Variants in CSMD1 observed in about 807,000 individuals in gnomAD.
The protein encoded by CSMD1 is CUB and Sushi multiple domains 1.
A neutral mutation model predicts 417.5 loss-of-function variants in CSMD1; 213 were observed. The observed-to-expected ratio is 0.51, with a 90% CI of 0.46 to 0.57. The LOEUF is 0.57. Among genes scored for constraint, CSMD1 ranks in the 20% least tolerant of loss-of-function variants. CSMD1 has a pLI of 0.00. For missense variants in CSMD1, 6,923 were observed against 4,529.7 expected (o/e 1.53, Z -15.17); for synonymous variants, 2,862 against 1,736.8 (o/e 1.65, Z -16.11).
chr8:4,709,597 T>G (rs1808164736), intron 1 of CSMD1, among the ~76,000 whole-genome samples: 1 of 152,250 alleles, frequency 6.6e-6, no homozygotes, highest in African/African-American at 2.4e-5. Context: ...GCAGAAGCTG[T>G]CCAAAGGCAA....
chr8:3,508,181 C>A (rs927787457), intron 10 of CSMD1, among the ~76,000 whole-genome samples: 2 of 152,132 alleles, frequency 1.3e-5, no homozygotes. Flanking sequence ...CAATGACCAA[C>A]CTCCTTGTCT....
intron 26 of CSMD1, among the ~76,000 whole-genome samples, chr8:3,280,865 C>G (rs1433879401): frequency 6.6e-6 from 1 of 151,384 alleles, no homozygotes; most frequent in African/African-American, 2.4e-5. Flanking sequence ...TTTTTTCTAC[C>G]CAAGTTAGAA....
At chr8:3,019,484 C>G (rs6997150) in intron 51 of CSMD1, among the ~76,000 whole-genome samples, 3,073 of 152,246 alleles carry the variant, frequency 0.02, 101 homozygotes, top group African/African-American at 0.069. Context: ...TCTAGGACTT[C>G]GGAATGCAAT....
At chr8:3,236,808 C>T (rs766933554) in intron 26 of CSMD1, among the ~76,000 whole-genome samples, 1 of 152,136 alleles carries the variant, frequency 6.6e-6, no homozygotes, top group African/African-American at 2.4e-5. Context: ...AAAAAGAAAA[C>T]ATTTTCAGTT....
At chr8:3,770,292 C>A (rs1018590892) in intron 5 of CSMD1, among the ~76,000 whole-genome samples, 2 of 152,094 alleles carry the variant, frequency 1.3e-5, no homozygotes, top group Admixed American at 1.3e-4. Flanking sequence ...CTTTGGGAGG[C>A]CGAGGGCGGG....
chr8:3,988,229 A>T (rs371602835), intron 5 of CSMD1, among the ~76,000 whole-genome samples: 3 of 152,132 alleles, frequency 2.0e-5, no homozygotes, highest in African/African-American at 7.2e-5. Flanking sequence ...CTGAAACTCA[A>T]TATTGAACCT....
At chr8:4,776,249 G>C (rs1157830830) in intron 1 of CSMD1, among the ~76,000 whole-genome samples, 1 of 152,132 alleles carries the variant, frequency 6.6e-6, no homozygotes, top group African/African-American at 2.4e-5. Context: ...GAAACATGGA[G>C]TTCATTTCAA....
intron 2 of CSMD1, among the ~76,000 whole-genome samples, chr8:4,624,506 A>G (rs1430576169): frequency 2.0e-5 from 3 of 152,122 alleles, no homozygotes; most frequent in Non-Finnish European, 2.9e-5. Context: ...GCGCTGCTAC[A>G]CAGGTGCATT....
intron 5 of CSMD1, among the ~76,000 whole-genome samples, chr8:3,988,324 T>A (rs1452166960): frequency 6.6e-6 from 1 of 152,228 alleles, no homozygotes. Flanking sequence ...AGAGCTTGCA[T>A]CAAATTCTGA....
At chr8:3,289,413 A>G (rs1214657090) in intron 25 of CSMD1, among the ~76,000 whole-genome samples, 1 of 147,272 alleles carries the variant, frequency 6.8e-6, no homozygotes, top group Non-Finnish European at 1.5e-5. Flanking sequence ...CTGACTTCAC[A>G]ATGGTTGAAC....
intron 3 of CSMD1, among the ~76,000 whole-genome samples, chr8:4,408,524 G>A (rs1183456698): frequency 6.6e-6 from 1 of 152,060 alleles, no homozygotes; most frequent in Non-Finnish European, 1.5e-5. Flanking sequence ...AACAATTCTT[G>A]GACATAAAGA....
intron 7 of CSMD1, among the ~76,000 whole-genome samples, chr8:3,685,692 G>T (rs891327460): frequency 1.3e-5 from 2 of 151,738 alleles, no homozygotes; most frequent in African/African-American, 4.8e-5. Context: ...GAAAATCAAT[G>T]CAATTTCAAG....
intron 2 of CSMD1, among the ~76,000 whole-genome samples, chr8:4,515,378 T>C (rs927898779): frequency 6.6e-6 from 1 of 152,114 alleles, no homozygotes; most frequent in Non-Finnish European, 1.5e-5. Context: ...GAGAGAGATG[T>C]TAAATGTTAT....
intron 26 of CSMD1, among the ~76,000 whole-genome samples, chr8:3,256,309 G>GA (rs61572877): frequency 2.3e-3 from 189 of 81,418 alleles, no homozygotes; most frequent in Middle Eastern, 6.8e-3. Context: ...TAAGTCTCAA[G>GA]AAAAAAAAAA....
rs765416134 is a variant in CSMD1, at chr8:3,142,535, C to A, written c.6171G>T (p.Thr2057=). ...TATAAAAGTGGATGAGGGTTTCATG[C>A]GTTGTGCTCAGCAGGGCCGCGGGGA... ...TDLPAALLST[T]HETLIHFYSD... Residue 2057 remains threonine (T), a synonymous_variant, in exon 41 of 70, where the codon ACG becomes ACT. Transcript: ENST00000635120. 4 of 1,613,774 alleles carry A rather than the reference C, an allele frequency of 2.5e-6. No individual in the cohort carries two copies. Among genetic ancestry groups the A allele is most frequent in the East Asian group, 2.2e-5 (1 of 44,896 alleles).
chr8:3,150,922 CTTAT>C (rs1027313324), intron 40 of CSMD1, among the ~76,000 whole-genome samples: 2 of 152,008 alleles, frequency 1.3e-5, no homozygotes, highest in African/African-American at 2.4e-5. Flanking sequence ...AAAAAAACAA[CTTAT>C]TTATTAACCT....
chr8:3,275,946 G>A (rs944281190), intron 26 of CSMD1, among the ~76,000 whole-genome samples: 2 of 152,180 alleles, frequency 1.3e-5, no homozygotes, highest in East Asian at 1.9e-4. Context: ...CTCTTTCTCT[G>A]TTCAGCTTTG....
chr8:3,377,837 T>C (rs189580797), intron 18 of CSMD1, among the ~76,000 whole-genome samples: 114 of 152,312 alleles, frequency 7.5e-4, no homozygotes, highest in Non-Finnish European at 1.0e-3. Context: ...ACTGACTGTA[T>C]TGAGTATGTA....
intron 12 of CSMD1, among the ~76,000 whole-genome samples, chr8:3,431,928 T>C (rs1499693): frequency 0.7 from 106,472 of 152,120 alleles, 37,557 homozygotes; most frequent in South Asian, 0.76. Flanking sequence ...GACATGACTT[T>C]ACTGTGTCAC....
Sources: gnomAD v4.1 joint callset for allele counts (sites outside exome capture counted in the v4.1 genomes callset) on GRCh38, gnomAD v4.1.1 for gene constraint, MANE v1.5 for transcripts, NCBI Gene and HGNC (gene_info 2026-07-23, HGNC 2026-07-21) for gene names.